The following SNX29 variants were observed in gnomAD, a reference collection of about 807,000 sequenced individuals.
The protein encoded by SNX29 is sorting nexin-29.
In SNX29, 78 loss-of-function variants were observed where a neutral mutation model predicts 102.1. The observed-to-expected ratio is 0.76, with a 90% CI of 0.64 to 0.92. The LOEUF is 0.92. Ranked by LOEUF, SNX29 falls within the 40% of genes least tolerant of loss-of-function variation. The pLI, the probability that SNX29 is intolerant of heterozygous loss-of-function variation, is 0.00. For missense variants in SNX29, 1,280 were observed against 1,061.7 expected, an observed-to-expected ratio of 1.21 and a Z score of -2.86; for synonymous variants, 580 against 414.5, an observed-to-expected ratio of 1.40 and a Z score of -4.85.
intron 20 of SNX29, chr16:12,557,765 G>C (rs79694339): frequency 6.6e-6 from 1 of 152,176 alleles, no homozygotes; most frequent in African/African-American, 2.4e-5. Flanking sequence ...CTAAGCAACA[G>C]ATATTTTTCA....
chr16:12,401,294 A>G (rs1418929753), intron 17 of SNX29, among the ~76,000 whole-genome samples: 2 of 151,960 alleles, frequency 1.3e-5, no homozygotes, highest in East Asian at 3.9e-4. Flanking sequence ...CCACAAAACC[A>G]GTCTCAATTA....
intron 13 of SNX29, among the ~76,000 whole-genome samples, chr16:12,185,802 C>T (rs1295976381): frequency 6.6e-6 from 1 of 152,214 alleles, no homozygotes; most frequent in African/African-American, 2.4e-5. Flanking sequence ...AACTGTGCAG[C>T]AGTCGCAGTC....
chr16:12,043,915 G>A (rs2049986119), intron 5 of SNX29, among the ~76,000 whole-genome samples: 1 of 152,038 alleles, frequency 6.6e-6, no homozygotes, highest in Non-Finnish European at 1.5e-5. Flanking sequence ...ACCATACTCA[G>A]CTAATTTTTT....
chr16:12,563,489 T>C (rs67872044), intron 20 of SNX29, among the ~76,000 whole-genome samples: 39,705 of 152,162 alleles, frequency 0.26, 5,772 homozygotes, highest in East Asian at 0.44. Context: ...GGAATAGGGC[T>C]ATTAAAACGG....
At chr16:12,006,906 A>C (rs1213007707) in intron 3 of SNX29, among the ~76,000 whole-genome samples, 1 of 152,222 alleles carries the variant, frequency 6.6e-6, no homozygotes, top group African/African-American at 2.4e-5. Context: ...GGTATGAGCC[A>C]CACTGTGCCT....
chr16:12,456,910 C>G (rs2086565090), intron 18 of SNX29, among the ~76,000 whole-genome samples: 1 of 152,148 alleles, frequency 6.6e-6, no homozygotes. Context: ...GCATTAGCAT[C>G]TTGTCTGCCG....
chr16:12,350,900 T>G (rs776172407), intron 15 of SNX29, among the ~76,000 whole-genome samples: 7 of 152,198 alleles, frequency 4.6e-5, no homozygotes, highest in Admixed American at 6.5e-5. Flanking sequence ...GTGATCAGCT[T>G]GGGTTGGGAG....
intron 20 of SNX29, among the ~76,000 whole-genome samples, chr16:12,544,372 G>A (rs1213537389): frequency 6.6e-6 from 1 of 152,242 alleles, no homozygotes; most frequent in Non-Finnish European, 1.5e-5. Context: ...TGATGCTGGG[G>A]AGTGGAAGGC....
chr16:12,534,510 A>AGAAAAGTGG (rs368802019), intron 20 of SNX29, among the ~76,000 whole-genome samples: 30 of 152,354 alleles, frequency 2.0e-4, no homozygotes, highest in African/African-American at 7.0e-4. Context: ...CAGCTCAGCA[A>AGAAAAGTGG]GAAAAGTGGG....
intron 11 of SNX29, among the ~76,000 whole-genome samples, chr16:12,125,653 T>TCA (rs2054182868): frequency 8.4e-6 from 1 of 118,578 alleles, no homozygotes; most frequent in Non-Finnish European, 1.6e-5. Flanking sequence ...AGATGAGGTC[T>TCA]CACTATGTCG....
chr16:12,163,935 T>C (rs2055902021), intron 13 of SNX29, among the ~76,000 whole-genome samples: 2 of 152,114 alleles, frequency 1.3e-5, no homozygotes, highest in South Asian at 4.1e-4. Flanking sequence ...ACTGAGATGT[T>C]AACAAGTAAT....
intron 20 of SNX29, among the ~76,000 whole-genome samples, chr16:12,558,361 C>A (rs1056641107): frequency 1.3e-5 from 2 of 152,142 alleles, no homozygotes; most frequent in Non-Finnish European, 2.9e-5. Flanking sequence ...AGCATCACAG[C>A]CATTGGTAAC....
intron 19 of SNX29, among the ~76,000 whole-genome samples, chr16:12,502,674 G>A (rs960302058): frequency 4.6e-5 from 7 of 152,166 alleles, no homozygotes; most frequent in African/African-American, 1.7e-4. Flanking sequence ...GTGATTAATG[G>A]AAAAGATTTA....
At chr16:12,322,715 G>C (rs1203558816) in intron 15 of SNX29, among the ~76,000 whole-genome samples, 1 of 151,698 alleles carries the variant, frequency 6.6e-6, no homozygotes, top group African/African-American at 2.4e-5. Context: ...TCAGGACTTG[G>C]TCACTGGAGA....
chr16:12,039,791 G>T (rs1055512041), intron 4 of SNX29, among the ~76,000 whole-genome samples: 1 of 152,118 alleles, frequency 6.6e-6, no homozygotes, highest in Non-Finnish European at 1.5e-5. Flanking sequence ...TGAGCTCTGG[G>T]GTCCCTTTCT....
chr16:12,003,541 C>T (rs141445357), intron 3 of SNX29, among the ~76,000 whole-genome samples: 187 of 152,154 alleles, frequency 1.2e-3, no homozygotes, highest in African/African-American at 3.9e-3. Flanking sequence ...GAGCAGGATC[C>T]GAAATTCTAT....
intron 16 of SNX29, chr16:12,367,340 C>T (rs578060484): frequency 5.2e-5 from 8 of 152,402 alleles, no homozygotes; most frequent in African/African-American, 1.9e-4. Flanking sequence ...TCTGGCAACA[C>T]TCTGTTCACT....
intron 9 of SNX29, among the ~76,000 whole-genome samples, chr16:12,064,419 C>T (rs2050924294): frequency 6.6e-6 from 1 of 152,234 alleles, no homozygotes; most frequent in African/African-American, 2.4e-5. Context: ...CGGCTGTCAG[C>T]TCGCAGAGTC....
intron 15 of SNX29, among the ~76,000 whole-genome samples, chr16:12,304,064 T>G (rs1567417144): frequency 6.6e-6 from 1 of 152,234 alleles, no homozygotes; most frequent in Non-Finnish European, 1.5e-5. Context: ...GCATATCGTG[T>G]GTAATAAGAA....
Sources: gnomAD v4.1 joint callset for allele counts (sites outside exome capture counted in the v4.1 genomes callset) on GRCh38, gnomAD v4.1.1 for gene constraint, MANE v1.5 for transcripts, NCBI Gene and HGNC (gene_info 2026-07-23, HGNC 2026-07-21) for gene names.